Variants in BACH2 observed in about 807,000 individuals in gnomAD.
The protein encoded by BACH2 is transcription regulator protein BACH2.
BACH2 carries 5 observed loss-of-function variants against 61.8 expected under a neutral mutation model. The observed-to-expected ratio is 0.08, with a 90% CI of 0.04 to 0.17. The LOEUF (loss-of-function observed/expected upper bound fraction) is 0.17. BACH2 is among the 10% of genes least tolerant of loss of function. The pLI is 1.00. For synonymous variants in BACH2, 446 were observed against 440.1 expected (o/e 1.01, Z -0.17); for missense variants, 824 against 1,091.1 (o/e 0.76, Z 3.45).
intron 3 of BACH2, among the ~76,000 whole-genome samples, chr6:90,224,241 T>C (rs1769836042): frequency 6.6e-6 from 1 of 152,202 alleles, no homozygotes; most frequent in Non-Finnish European, 1.5e-5. Context: ...TAAAAGAGTA[T>C]CCAAAATGTA....
chr6:90,011,334 T>C (rs1777695967), intron 5 of BACH2, among the ~76,000 whole-genome samples: 1 of 152,226 alleles, frequency 6.6e-6, no homozygotes. Flanking sequence ...TACCTTTGTA[T>C]TTTTACTGAA....
chr6:90,134,198 C>T (rs528290652), intron 4 of BACH2, among the ~76,000 whole-genome samples: 3 of 152,270 alleles, frequency 2.0e-5, no homozygotes, highest in African/African-American at 7.2e-5. Context: ...CTCTCCAGCA[C>T]CTGTTGTTTC....
chr6:90,276,473 T>C (rs1771695068), intron 1 of BACH2, among the ~76,000 whole-genome samples: 1 of 152,224 alleles, frequency 6.6e-6, no homozygotes, highest in African/African-American at 2.4e-5. Flanking sequence ...GTCTTTTGTG[T>C]TGGCAAATCC....
At chr6:90,113,100 T>C (rs1487951926) in intron 4 of BACH2, among the ~76,000 whole-genome samples, 1 of 152,208 alleles carries the variant, frequency 6.6e-6, no homozygotes, top group East Asian at 1.9e-4. Flanking sequence ...CTCAGATTTA[T>C]AAAGCAAGTT....
chr6:90,271,407 G>C (rs9451371), intron 2 of BACH2, among the ~76,000 whole-genome samples: 8,763 of 141,442 alleles, frequency 0.062, 848 homozygotes, highest in African/African-American at 0.21. Flanking sequence ...GAAAGGAAAA[G>C]AAAAAAAAAG....
At chr6:90,211,095 G>A (rs1355653480) in intron 3 of BACH2, among the ~76,000 whole-genome samples, 2 of 129,136 alleles carry the variant, frequency 1.5e-5, no homozygotes, top group Non-Finnish European at 3.1e-5. Flanking sequence ...CAGAGGCACT[G>A]TAGCCTGGGT....
rs559150585 is a variant in BACH2, at chr6:90,229,280, G to GT, written c.-274-22600_-274-22599insA. Among the ~76,000 whole-genome samples the GT allele has an allele frequency of 2.1e-3, 315 of 152,284 alleles. 2 individuals carry two copies. The highest frequency in any genetic ancestry group is 2.9e-3 in the Non-Finnish European group (198 of 68,018). Reference sequence around the variant, plus strand: ...TCAAGACCAGCCTGGCCAACATGGTGAAACCCCGTCTATACTAAAAATACA... The same window carrying GT: ...TCAAGACCAGCCTGGCCAACATGGTGTAAACCCCGTCTATACTAAAAATACA... On this transcript the variant is annotated intron_variant, in intron 3 of 8. Transcript: ENST00000257749.
intron 5 of BACH2, among the ~76,000 whole-genome samples, chr6:90,051,637 G>A (rs1780051733): frequency 6.6e-6 from 1 of 152,012 alleles, no homozygotes; most frequent in African/African-American, 2.4e-5. Context: ...ACCCTACATA[G>A]TATTTACAAT....
At chr6:90,067,274 T>A (rs1781009472) in intron 5 of BACH2, among the ~76,000 whole-genome samples, 1 of 152,006 alleles carries the variant, frequency 6.6e-6, no homozygotes, top group South Asian at 2.1e-4. Context: ...GCCCCTCTTG[T>A]GGAGTGTGGT....
intron 6 of BACH2, among the ~76,000 whole-genome samples, chr6:89,983,991 A>G (rs78679440): frequency 0.021 from 3,256 of 152,258 alleles, 129 homozygotes; most frequent in African/African-American, 0.074. Context: ...CTTCCTTTGT[A>G]TAGGTGCCTG....
At chr6:90,124,212 T>A (rs896469646) in intron 4 of BACH2, among the ~76,000 whole-genome samples, 14 of 152,172 alleles carry the variant, frequency 9.2e-5, no homozygotes, top group Admixed American at 2.0e-4. Flanking sequence ...AGCCAACTTT[T>A]AAAAAAACGT....
intron 6 of BACH2, among the ~76,000 whole-genome samples, chr6:89,974,322 C>T (rs1489289159): frequency 2.0e-5 from 3 of 152,070 alleles, no homozygotes; most frequent in East Asian, 1.9e-4. Flanking sequence ...AATCCCATAG[C>T]GTCAATGAGT....
chr6:90,142,271 G>T (rs1025692589), intron 4 of BACH2, among the ~76,000 whole-genome samples: 1 of 152,046 alleles, frequency 6.6e-6, no homozygotes, highest in African/African-American at 2.4e-5. Context: ...AAGAAAGCTG[G>T]TGTTATCATT....
intron 1 of BACH2, among the ~76,000 whole-genome samples, chr6:90,283,317 A>G (rs1158381668): frequency 3.3e-5 from 5 of 151,774 alleles, no homozygotes; most frequent in Non-Finnish European, 7.4e-5. Flanking sequence ...GTTACCACTC[A>G]GTGAACAGAA....
At chr6:90,064,278 G>T (rs746644926) in intron 5 of BACH2, among the ~76,000 whole-genome samples, 2 of 152,172 alleles carry the variant, frequency 1.3e-5, no homozygotes, top group South Asian at 2.1e-4. Context: ...CAGCATGGAG[G>T]GGGTGGCACC....
At chr6:90,281,684 T>C (rs1771863305) in intron 1 of BACH2, among the ~76,000 whole-genome samples, 1 of 152,248 alleles carries the variant, frequency 6.6e-6, no homozygotes, top group Non-Finnish European at 1.5e-5. Flanking sequence ...TCTTCTATCT[T>C]GCTTCTTTCT....
chr6:90,006,258 C>T (rs1777399517), intron 6 of BACH2, among the ~76,000 whole-genome samples: 1 of 152,184 alleles, frequency 6.6e-6, no homozygotes, highest in African/African-American at 2.4e-5. Context: ...TTGTCAAATG[C>T]CTACTAGAGG....
chr6:90,179,287 G>A (rs554377003), intron 4 of BACH2, among the ~76,000 whole-genome samples: 2 of 151,980 alleles, frequency 1.3e-5, no homozygotes, highest in Admixed American at 6.6e-5. Context: ...TTTTAATGAC[G>A]AAACAAGTAA....
intron 2 of BACH2, among the ~76,000 whole-genome samples, chr6:90,261,532 G>A (rs1453549094): frequency 6.6e-6 from 1 of 152,028 alleles, no homozygotes; most frequent in African/African-American, 2.4e-5. Context: ...GACACATCCT[G>A]GAACCCTTGC....
Sources: gnomAD v4.1 joint callset for allele counts (sites outside exome capture counted in the v4.1 genomes callset) on GRCh38, gnomAD v4.1.1 for gene constraint, MANE v1.5 for transcripts, NCBI Gene and HGNC (gene_info 2026-07-23, HGNC 2026-07-21) for gene names.